Variants in CFAP77 observed in about 807,000 individuals in gnomAD.
CFAP77 encodes cilia and flagella associated protein 77, also known as cilia- and flagella-associated protein 77.
CFAP77 carries 25 observed loss-of-function variants against 31.1 expected under a neutral mutation model. The observed-to-expected ratio is 0.80, with a 90% CI of 0.59 to 1.12. The LOEUF (loss-of-function observed/expected upper bound fraction) is 1.12, where lower values mean the gene tolerates loss of function less well. Among genes scored for constraint, CFAP77 ranks in the 50% most tolerant of loss-of-function variants. The pLI, the probability that CFAP77 is intolerant of heterozygous loss-of-function variation, is 0.00. For synonymous variants in CFAP77, 151 were observed against 159.9 expected, an observed-to-expected ratio of 0.94 and a Z score of 0.42; for missense variants, 377 against 397.3, an observed-to-expected ratio of 0.95 and a Z score of 0.44.
rs1363475170 is a variant in CFAP77, at chr9:132,545,837, C to A, written c.732+2790C>A. Among the ~76,000 whole-genome samples, 2 of 152,180 alleles carry A rather than the reference C, an allele frequency of 1.3e-5. No homozygotes were observed. Among genetic ancestry groups the A allele is most frequent in the Non-Finnish European group, 2.9e-5 (2 of 68,038 alleles). On this transcript the variant is annotated intron_variant, in intron 5 of 5. Coordinates refer to ENST00000393216, the MANE Select transcript of CFAP77 (RefSeq NM_001282957.2). This position sits in a 1 kb window ranked among gnomAD's most constrained non-coding sequence, Gnocchi z 4.6. ...GTGAGAAGTGGAGTCTGGGTCCAAT[C>A]TGGGGTTTCCTAGCCCCAGGGCCTC... is the stretch of plus-strand genomic sequence containing the variant.
chr9:132,472,038 C>A (rs1851268161), intron 1 of CFAP77, among the ~76,000 whole-genome samples: 2 of 152,320 alleles, frequency 1.3e-5, no homozygotes, highest in South Asian at 4.1e-4. Flanking sequence ...TTTGCTAAAT[C>A]TGGCAGACTA....
At chr9:132,444,096 C>T (rs1052202674) in intron 1 of CFAP77, among the ~76,000 whole-genome samples, 1 of 152,270 alleles carries the variant, frequency 6.6e-6, no homozygotes, top group Admixed American at 6.5e-5. Flanking sequence ...GGCTCCACCT[C>T]GTCCTTCATT....
At chr9:132,461,043 A>G (rs913104704) in intron 1 of CFAP77, among the ~76,000 whole-genome samples, 11 of 152,272 alleles carry the variant, frequency 7.2e-5, no homozygotes, top group Middle Eastern at 3.4e-3. Flanking sequence ...TCAATTTTAT[A>G]CTACGTAATT....
intron 5 of CFAP77, among the ~76,000 whole-genome samples, chr9:132,547,151 G>A (rs1246306005): frequency 2.6e-5 from 4 of 152,210 alleles, no homozygotes; most frequent in Non-Finnish European, 4.4e-5. Context: ...CCCTTTGGCC[G>A]GGTGTTCTAG....
intron 3 of CFAP77, among the ~76,000 whole-genome samples, chr9:132,500,883 G>A (rs562780222): frequency 6.6e-6 from 1 of 152,304 alleles, no homozygotes; most frequent in Admixed American, 6.5e-5. Flanking sequence ...GGAGATGGGG[G>A]GACACCAAGA....
intron 3 of CFAP77, among the ~76,000 whole-genome samples, chr9:132,519,574 A>AGATGGATGGATG (rs1226920030): frequency 7.2e-5 from 3 of 41,804 alleles, no homozygotes; most frequent in African/African-American, 1.0e-4. Context: ...ATGGATGGAT[A>AGATGGATGGATG]GATGGATGGA....
chr9:132,416,168 C>T (rs1179154830), intron 1 of CFAP77, among the ~76,000 whole-genome samples: 1 of 151,980 alleles, frequency 6.6e-6, no homozygotes, highest in Non-Finnish European at 1.5e-5. Flanking sequence ...CTGTGTTAAA[C>T]CTTAGACCCG....
intron 3 of CFAP77, among the ~76,000 whole-genome samples, chr9:132,507,190 G>C (rs1316362654): frequency 6.6e-6 from 1 of 152,228 alleles, no homozygotes; most frequent in African/African-American, 2.4e-5. Flanking sequence ...TCACCACGCT[G>C]GATGCTCCAG....
rs552460030 is a variant in CFAP77 at position 132,565,812 on chromosome 9, T to G, written c.733-6576T>G. Among the ~76,000 whole-genome samples the G allele has an allele frequency of 5.6e-4, 85 of 152,280 alleles. No homozygotes were observed. The highest frequency in any genetic ancestry group is 2.0e-3 in the African/African-American group (83 of 41,550). ...CTTATTTCTGCGATGCCATTTAGAT[T>G]TGTGCAATGCTCCCCATTCTAACAG... On this transcript the variant is annotated intron_variant, in intron 5 of 5. Transcript: ENST00000393216. The surrounding 1 kb of genome is among the most constrained non-coding windows in gnomAD (Gnocchi z 4.1).
At chr9:132,544,297 G>A (rs1335881739) in intron 5 of CFAP77, among the ~76,000 whole-genome samples, 1 of 152,200 alleles carries the variant, frequency 6.6e-6, no homozygotes, top group Admixed American at 6.5e-5. Context: ...GAGTACGTTT[G>A]GGAGGTGGAG....
intron 5 of CFAP77, among the ~76,000 whole-genome samples, chr9:132,555,602 C>T (rs1348629610): frequency 1.3e-5 from 2 of 152,210 alleles, no homozygotes; most frequent in Non-Finnish European, 2.9e-5. Context: ...TCCCCATTGT[C>T]TAAATTCAGC....
chr9:132,571,101 G>A (rs534185797), intron 5 of CFAP77, among the ~76,000 whole-genome samples: 5 of 151,990 alleles, frequency 3.3e-5, no homozygotes, highest in African/African-American at 1.2e-4. Context: ...CTGCAGCGCC[G>A]TGGGCTTAGC....
At chr9:132,537,551 C>T (rs200516163) in intron 3 of CFAP77, 50 bp from the exon 4 acceptor site, 229 of 1,426,916 alleles carry the variant, frequency 1.6e-4, no homozygotes, top group Non-Finnish European at 2.0e-4. Flanking sequence ...GGAGCGGGTG[C>T]CTCTGGTCTT....
intron 3 of CFAP77, among the ~76,000 whole-genome samples, chr9:132,529,415 C>T (rs1440228094): frequency 3.0e-5 from 4 of 134,478 alleles, no homozygotes; most frequent in South Asian, 5.3e-4. Flanking sequence ...CTAAATGACA[C>T]GTTAGTGGGT....
intron 5 of CFAP77, among the ~76,000 whole-genome samples, chr9:132,548,675 C>CT (rs1852773846): frequency 6.8e-6 from 1 of 147,364 alleles, no homozygotes; most frequent in African/African-American, 2.7e-5. Context: ...CATCTGTTGG[C>CT]TGGCGGGGGG....
chr9:132,445,273 C>A (rs1390958079), intron 1 of CFAP77, among the ~76,000 whole-genome samples: 1 of 152,114 alleles, frequency 6.6e-6, no homozygotes, highest in Admixed American at 6.6e-5. Context: ...TGTGCCTGGC[C>A]TCACTGTTCT....
intron 1 of CFAP77, among the ~76,000 whole-genome samples, chr9:132,434,940 C>T (rs1250057999): frequency 6.7e-6 from 1 of 150,318 alleles, no homozygotes; most frequent in East Asian, 1.9e-4. Context: ...AGTCCCAAGC[C>T]AGAAAGGGCC....
At chr9:132,571,793 C>A (rs1829962442) in intron 5 of CFAP77, among the ~76,000 whole-genome samples, 1 of 152,014 alleles carries the variant, frequency 6.6e-6, no homozygotes, top group African/African-American at 2.4e-5. Flanking sequence ...CACCCACCAC[C>A]ATTTCTTGAG....
At position 132,554,543 on chromosome 9, in the gene CFAP77, C is replaced by G. The variant is rs1267233054; in HGVS notation, c.732+11496C>G. 6.6e-6 allele frequency among the ~76,000 whole-genome samples: 1 copy of G among 151,940 alleles called. No homozygotes were observed. The highest frequency in any genetic ancestry group is 2.4e-5 in the African/African-American group (1 of 41,360). ...GTAGAGATGGGGTTTTACCATATTG[C>G]CTAGGCTGGTCTTGAACTCCTGGGC... On this transcript the variant is annotated intron_variant, in intron 5 of 5. Coordinates refer to ENST00000393216, the MANE Select transcript of CFAP77 (RefSeq NM_001282957.2). This position sits in a 1 kb window ranked among gnomAD's most constrained non-coding sequence, Gnocchi z 4.1.
Sources: allele counts gnomAD v4.1 joint callset (sites outside exome capture counted in the v4.1 genomes callset), GRCh38; gene constraint gnomAD v4.1.1; non-coding constraint Gnocchi (gnomAD v3.1); transcripts MANE v1.5; gene names NCBI Gene and HGNC (gene_info 2026-07-23, HGNC 2026-07-21).